Variants in ANK3 observed in about 807,000 individuals in gnomAD.
ANK3 encodes ankyrin-3.
A neutral mutation model predicts 370.9 loss-of-function variants in ANK3; 57 were observed. The ratio of observed to expected loss-of-function variants is 0.15; its 90% confidence interval spans 0.12 to 0.19. The LOEUF is 0.19. Ranked by LOEUF, ANK3 falls within the 10% of genes least tolerant of loss-of-function variation. ANK3 has a pLI of 1.00. For missense variants in ANK3, 4,439 were observed against 5,302.1 expected (o/e 0.84, Z 5.06); for synonymous variants, 1,929 against 1,946.3 (o/e 0.99, Z 0.23).
chr10:60,046,714 T>G (rs1430636135), intron 42 of ANK3, among the ~76,000 whole-genome samples: 1 of 152,048 alleles, frequency 6.6e-6, no homozygotes. Context: ...TTTAAAAAAT[T>G]TATCCATCTT....
At chr10:60,033,992 G>A (rs983565601) in intron 43 of ANK3, among the ~76,000 whole-genome samples, 5 of 151,834 alleles carry the variant, frequency 3.3e-5, no homozygotes, top group African/African-American at 1.2e-4. Flanking sequence ...TTCTGGAACA[G>A]TGCTTCTCAA....
At chr10:60,562,905 A>C (rs1473951086) in intron 2 of ANK3, among the ~76,000 whole-genome samples, 1 of 152,236 alleles carries the variant, frequency 6.6e-6, no homozygotes, top group Non-Finnish European at 1.5e-5. Flanking sequence ...TCATATGATT[A>C]ACATTATTTT....
At chr10:60,475,828 T>C (rs959260221) in intron 2 of ANK3, among the ~76,000 whole-genome samples, 3 of 152,146 alleles carry the variant, frequency 2.0e-5, no homozygotes, top group African/African-American at 7.2e-5. Flanking sequence ...ACGGAGTCGC[T>C]TTCGAAAAAA....
chr10:60,683,915 G>A (rs1448735882), intron 1 of ANK3, among the ~76,000 whole-genome samples: 1 of 152,168 alleles, frequency 6.6e-6, no homozygotes, highest in Non-Finnish European at 1.5e-5. Flanking sequence ...TGGACAGACA[G>A]AAGGAAGGAA....
chr10:60,094,181 ATTTTTTT>A (rs1169437967), intron 28 of ANK3, among the ~76,000 whole-genome samples: 15 of 116,384 alleles, frequency 1.3e-4, no homozygotes, highest in Non-Finnish European at 1.7e-4. Flanking sequence ...ACAGTATTCT[ATTTTTTT>A]TTTTTTTTTT....
At chr10:60,064,672 G>A (rs3044573) in intron 38 of ANK3, among the ~76,000 whole-genome samples, 78,836 of 145,938 alleles carry the variant, frequency 0.54, 21,048 homozygotes, top group East Asian at 0.68. Context: ...CATACACACA[G>A]CAACAACAAC....
chr10:60,399,183 T>TA (rs1213150862), intron 2 of ANK3, among the ~76,000 whole-genome samples: 3 of 152,122 alleles, frequency 2.0e-5, no homozygotes, highest in Non-Finnish European at 2.9e-5. Context: ...ATTATTTCAT[T>TA]AAAAAAACTA....
intron 7 of ANK3, among the ~76,000 whole-genome samples, chr10:60,246,255 C>CAAAAAAAAAAAAAAAAAAAAAA (rs869144298): frequency 1.1e-5 from 1 of 92,704 alleles, no homozygotes; most frequent in African/African-American, 4.7e-5. Flanking sequence ...AACCCTGTAT[C>CAAAAAAAAAAAAAAAAAAAAAA]AAAAAAAAAA....
chr10:60,204,844 CATGTA>C (rs2096736984), intron 11 of ANK3, among the ~76,000 whole-genome samples: 1 of 152,062 alleles, frequency 6.6e-6, no homozygotes, highest in Non-Finnish European at 1.5e-5. Context: ...CTAGAAGGAA[CATGTA>C]GTCCAGGCTG....
At chr10:60,049,327 G>A (rs889994714) in intron 42 of ANK3, among the ~76,000 whole-genome samples, 5 of 152,156 alleles carry the variant, frequency 3.3e-5, no homozygotes, top group African/African-American at 7.2e-5. Context: ...AGTGGCTCAC[G>A]CCTGTAATCC....
chr10:60,129,783 A>C (rs567388683), intron 25 of ANK3, among the ~76,000 whole-genome samples: 2 of 151,928 alleles, frequency 1.3e-5, no homozygotes, highest in African/African-American at 4.8e-5. Context: ...ACACACCCCA[A>C]AGTTCTCCAA....
chr10:60,521,386 T>C (rs765620440), intron 2 of ANK3, among the ~76,000 whole-genome samples: 2 of 152,144 alleles, frequency 1.3e-5, no homozygotes, highest in Non-Finnish European at 2.9e-5. Flanking sequence ...AGAAGTACTC[T>C]ACCTAGAAGC....
rs1480512103 is a variant in ANK3, at chr10:60,380,527, C to T, written c.114+8898G>A. On this transcript the variant is annotated intron_variant, in intron 1 of 43. Transcript: ENST00000280772. ...CTTTCAGAGTATAACTTCCCTAATC[C>T]AGAAAACTGGAAAATAATATCCATG... Among the ~76,000 whole-genome samples, 6 of 152,196 alleles carry T rather than the reference C, an allele frequency of 3.9e-5. No individual in the cohort carries two copies. The East Asian group carries it at 7.7e-4, about 20-fold the overall frequency.
chr10:60,149,871 G>GCTA (rs2095023469), intron 23 of ANK3, among the ~76,000 whole-genome samples: 1 of 152,116 alleles, frequency 6.6e-6, no homozygotes, highest in East Asian at 1.9e-4. Flanking sequence ...ACCACGCCTG[G>GCTA]CTACTTTTTG....
intron 43 of ANK3, among the ~76,000 whole-genome samples, chr10:60,034,106 GTTTTTTTTTT>G (rs61678524): frequency 8.6e-6 from 1 of 115,888 alleles, no homozygotes; most frequent in African/African-American, 3.5e-5. Flanking sequence ...TTGTTTTTTG[GTTTTTTTTTT>G]TTTTTTTTGA....
At chr10:60,469,147 C>T (rs1419558272) in intron 2 of ANK3, among the ~76,000 whole-genome samples, 18 of 99,726 alleles carry the variant, frequency 1.8e-4, no homozygotes, top group African/African-American at 6.9e-4. Context: ...ATATATACCA[C>T]TTTTAGTATA....
intron 2 of ANK3, among the ~76,000 whole-genome samples, chr10:60,560,655 C>T (rs981821363): frequency 6.6e-6 from 1 of 152,114 alleles, no homozygotes; most frequent in Non-Finnish European, 1.5e-5. Context: ...CTCTATTTGT[C>T]CAAAACAGAT....
At chr10:60,188,604 G>T (rs2096403451) in intron 16 of ANK3, among the ~76,000 whole-genome samples, 2 of 152,096 alleles carry the variant, frequency 1.3e-5, no homozygotes, top group Non-Finnish European at 2.9e-5. Context: ...CCATCCTGCT[G>T]CAATGAACCT....
intron 1 of ANK3, chr10:60,684,542 C>T: frequency 5.1e-6 from 8 of 1,577,176 alleles, no homozygotes; most frequent in Non-Finnish European, 6.9e-6. Flanking sequence ...TCTATCCTGT[C>T]CAGTCTGCCT....
Sources: gnomAD v4.1 joint callset for allele counts (sites outside exome capture counted in the v4.1 genomes callset) on GRCh38, gnomAD v4.1.1 for gene constraint, MANE v1.5 for transcripts, NCBI Gene and HGNC (gene_info 2026-07-23, HGNC 2026-07-21) for gene names.